MYRIP: variants seen among roughly 807,000 people sequenced by gnomAD.
MYRIP encodes myosin VIIA and Rab interacting protein.
MYRIP carries 49 observed loss-of-function variants against 98.0 expected under a neutral mutation model. The observed-to-expected ratio is 0.50, with a 90% confidence interval of 0.40 to 0.63. The LOEUF (loss-of-function observed/expected upper bound fraction) is 0.63, where lower values mean the gene tolerates loss of function less well. Ranked by LOEUF, MYRIP falls within the 30% of genes least tolerant of loss-of-function variation. The pLI is 0.00. For synonymous variants in MYRIP, 404 were observed against 409.5 expected (o/e 0.99, Z 0.16); for missense variants, 1,004 against 1,058.2 (o/e 0.95, Z 0.71).
intron 13 of MYRIP, 103 bp from the exon 14 acceptor site, chr3:40,250,119 T>C (rs1296474019): frequency 5.7e-6 from 5 of 876,164 alleles, no homozygotes; most frequent in South Asian, 1.6e-5. Context: ...TGAATGAGCA[T>C]ACATCAAAGC....
At chr3:39,885,308 A>G (rs1214385954) in intron 1 of MYRIP, among the ~76,000 whole-genome samples, 5 of 151,898 alleles carry the variant, frequency 3.3e-5, no homozygotes, top group African/African-American at 7.3e-5. Flanking sequence ...TGAAAAGACA[A>G]TTTTTGAATA....
chr3:40,169,942 C>A lies in MYRIP; in HGVS notation c.730-8C>A. On this transcript the variant is annotated splice_polypyrimidine_tract_variant and splice_region_variant and intron_variant, in intron 7 of 16. Coordinates refer to ENST00000302541, the MANE Select transcript of MYRIP (RefSeq NM_015460.4). ...TAACTTGCCCCTTTTTTGTCCTCCC[C>A]TCCCCAGATTATACGAAAACAGAAG... 6.2e-7 allele frequency: 1 copy of A among 1,613,976 alleles called. No homozygotes were observed. Among genetic ancestry groups the A allele is most frequent in the Non-Finnish European group, 8.5e-7 (1 of 1,179,964 alleles).
chr3:39,888,779 A>G (rs982440871), intron 1 of MYRIP, among the ~76,000 whole-genome samples: 8 of 152,352 alleles, frequency 5.3e-5, no homozygotes, highest in Admixed American at 3.3e-4. Context: ...CAACCTACTC[A>G]TCTGACAAAG....
chr3:40,134,763 A>G (rs1949725335), intron 3 of MYRIP, among the ~76,000 whole-genome samples: 1 of 152,226 alleles, frequency 6.6e-6, no homozygotes, highest in South Asian at 2.1e-4. Context: ...GCTGATACCC[A>G]GGCAAACAGG....
At chr3:39,839,516 G>T (rs375156625) in intron 1 of MYRIP, among the ~76,000 whole-genome samples, 1 of 152,042 alleles carries the variant, frequency 6.6e-6, no homozygotes, top group Non-Finnish European at 1.5e-5. Context: ...CCTTGGCCTC[G>T]CAAAATGTTG....
chr3:40,182,329 C>G lies in MYRIP; in HGVS notation c.983C>G (p.Ser328Cys). The part of the protein sequence containing the change: ...RDQGQHPRAE[S>C]ALPSWKSVDR... ...CAAGGCCAACACCCGAGAGCAGAGT[C>G]TGCTCTGCCCAGCTGGAAGAGTGTG... is the stretch of plus-strand genomic sequence containing the variant. Residue 328 changes from serine (S) to cysteine (C), a missense_variant, in exon 9 of 17, where the codon TCT becomes TGT. Ser to Cys is a moderately radical substitution (Grantham distance 112). Transcript: ENST00000302541. 1 of 1,613,768 alleles carries G rather than the reference C, an allele frequency of 6.2e-7. No homozygotes were observed. Among genetic ancestry groups the G allele is most frequent in the East Asian group, 2.2e-5 (1 of 44,826 alleles).
At chr3:40,211,877 A>T (rs1236143007) in intron 11 of MYRIP, among the ~76,000 whole-genome samples, 1 of 151,796 alleles carries the variant, frequency 6.6e-6, no homozygotes, top group East Asian at 1.9e-4. Context: ...AGAAAGGAGG[A>T]GCTACTGGGG....
chr3:39,897,942 A>G (rs746189536), intron 1 of MYRIP, among the ~76,000 whole-genome samples: 5 of 152,068 alleles, frequency 3.3e-5, no homozygotes, highest in African/African-American at 4.8e-5. Context: ...CCAGTGAAAT[A>G]AAGTCAAAGG....
At chr3:40,038,469 A>G (rs928104577) in intron 2 of MYRIP, among the ~76,000 whole-genome samples, 1 of 152,126 alleles carries the variant, frequency 6.6e-6, no homozygotes, top group Non-Finnish European at 1.5e-5. Context: ...ACTAAAAGCT[A>G]GTTATTTTTA....
At chr3:40,122,364 GAAAA>G (rs565821006) in intron 3 of MYRIP, among the ~76,000 whole-genome samples, 1 of 150,750 alleles carries the variant, frequency 6.6e-6, no homozygotes, top group Non-Finnish European at 1.5e-5. Context: ...GAAAATATGA[GAAAA>G]AAAGGCCTTT....
chr3:40,129,756 G>C (rs906110985), intron 3 of MYRIP, among the ~76,000 whole-genome samples: 4 of 152,146 alleles, frequency 2.6e-5, no homozygotes, highest in African/African-American at 7.2e-5. Context: ...TTCCTCACTG[G>C]CAGCCAGGGC....
At chr3:39,838,756 A>G (rs1046794020) in intron 1 of MYRIP, among the ~76,000 whole-genome samples, 5 of 151,580 alleles carry the variant, frequency 3.3e-5, no homozygotes, top group African/African-American at 1.2e-4. Flanking sequence ...CTCTTTTTCT[A>G]TTGTTTGGAA....
intron 1 of MYRIP, among the ~76,000 whole-genome samples, chr3:39,887,451 A>G (rs548305311): frequency 6.6e-6 from 1 of 151,834 alleles, no homozygotes; most frequent in East Asian, 1.9e-4. Flanking sequence ...AGCAAGACTA[A>G]TAAAGGCCTT....
At position 40,209,935 on chromosome 3, in the gene MYRIP, C is replaced by A. The variant is rs771346658; in HGVS notation, c.1747C>A (p.Arg583=). The change falls in exon 11 of 17, where the codon CGG becomes AGG. Residue 583 remains arginine, a synonymous_variant. Coordinates refer to ENST00000302541, the MANE Select transcript of MYRIP (RefSeq NM_015460.4). ...TCTCACAGACACCACAGAGGAGAAA[C>A]GGAGAAACAGGCTGTACGAGTTAGC... ...QTLTDTTEEK[R]RNRLYELAMK... is the part of the protein sequence containing the mutation. 2 of 1,613,778 alleles carry A rather than the reference C, an allele frequency of 1.2e-6. No homozygotes were observed. Among genetic ancestry groups the A allele is most frequent in the Non-Finnish European group, 1.7e-6 (2 of 1,179,828 alleles).
intron 1 of MYRIP, among the ~76,000 whole-genome samples, chr3:39,852,749 T>C (rs572357614): frequency 7.4e-6 from 1 of 135,838 alleles, no homozygotes; most frequent in Non-Finnish European, 1.6e-5. Flanking sequence ...CCTCTTCTCT[T>C]CTCTTCTGTT....
intron 2 of MYRIP, among the ~76,000 whole-genome samples, chr3:39,938,295 G>A (rs1944701554): frequency 6.6e-6 from 1 of 152,066 alleles, no homozygotes; most frequent in South Asian, 2.1e-4. Flanking sequence ...GTTCAGTCAT[G>A]TTCAAAAGAG....
chr3:40,095,471 G>C (rs1166437630), intron 3 of MYRIP, among the ~76,000 whole-genome samples: 7 of 152,180 alleles, frequency 4.6e-5, no homozygotes, highest in Admixed American at 1.3e-4. Flanking sequence ...AGAGGGGCAG[G>C]ACCCCAGGAG....
chr3:40,257,316 T>TG (rs1462175697), intron 16 of MYRIP, among the ~76,000 whole-genome samples: 1 of 152,170 alleles, frequency 6.6e-6, no homozygotes, highest in Non-Finnish European at 1.5e-5. Flanking sequence ...AGTGAGACCC[T>TG]GTCTCTAAGA....
intron 4 of MYRIP, among the ~76,000 whole-genome samples, chr3:40,157,187 G>A (rs1950263643): frequency 6.7e-6 from 1 of 148,502 alleles, no homozygotes; most frequent in Non-Finnish European, 1.5e-5. Context: ...CTAATTTATT[G>A]AGAGTTTTTA....
Sources: gnomAD v4.1 joint callset for allele counts (sites outside exome capture counted in the v4.1 genomes callset) on GRCh38, gnomAD v4.1.1 for gene constraint, MANE v1.5 for transcripts, NCBI Gene and HGNC (gene_info 2026-07-23, HGNC 2026-07-21) for gene names.